Variants in RALYL observed in about 807,000 individuals in gnomAD.
The protein encoded by RALYL is RNA-binding Raly-like protein.
Under a neutral mutation model 35.1 loss-of-function variants are expected in RALYL, and 29 were observed. The ratio of observed to expected loss-of-function variants is 0.83; its 90% CI spans 0.61 to 1.13. The LOEUF (loss-of-function observed/expected upper bound fraction) is 1.13, where lower values mean the gene tolerates loss of function less well. Ranked by LOEUF, RALYL falls within the 50% of genes most tolerant of loss-of-function variation. RALYL has a pLI of 0.00. For synonymous variants in RALYL, 120 were observed against 127.6 expected, an observed-to-expected ratio of 0.94 and a Z score of 0.40; for missense variants, 359 against 360.4, an observed-to-expected ratio of 1.00 and a Z score of 0.03.
At chr8:84,517,846 A>G (rs1287126905) in intron 1 of RALYL, among the ~76,000 whole-genome samples, 1 of 152,168 alleles carries the variant, frequency 6.6e-6, no homozygotes, top group East Asian at 1.9e-4. Flanking sequence ...ACCTTAGTGC[A>G]TCTCATTTAA....
At chr8:84,620,420 C>T in intron 2 of RALYL, among the ~76,000 whole-genome samples, 1 of 151,954 alleles carries the variant, frequency 6.6e-6, no homozygotes, top group Non-Finnish European at 1.5e-5. Flanking sequence ...TCACGTAGTT[C>T]TCGAGCCTTG....
chr8:84,300,733 G>A (rs975624895), intron 1 of RALYL, among the ~76,000 whole-genome samples: 1 of 151,930 alleles, frequency 6.6e-6, no homozygotes, highest in Non-Finnish European at 1.5e-5. Flanking sequence ...TTTGAAATTA[G>A]AATAACAACC....
intron 1 of RALYL, among the ~76,000 whole-genome samples, chr8:84,325,190 C>T (rs1845578871): frequency 6.6e-6 from 1 of 152,166 alleles, no homozygotes; most frequent in Non-Finnish European, 1.5e-5. Context: ...TCACAACTTG[C>T]TCTCAGATAC....
chr8:84,728,087 C>G (rs1277792832), intron 2 of RALYL, among the ~76,000 whole-genome samples: 3 of 151,530 alleles, frequency 2.0e-5, no homozygotes, highest in Non-Finnish European at 4.4e-5. Flanking sequence ...TACAGTCCCA[C>G]CAACAGTGTA....
chr8:84,402,148 CTTTTG>C (rs1238213613), intron 1 of RALYL, among the ~76,000 whole-genome samples: 2 of 152,122 alleles, frequency 1.3e-5, no homozygotes, highest in Non-Finnish European at 2.9e-5. Flanking sequence ...AGACATATCA[CTTTTG>C]TTTTGTTTTA....
At chr8:84,341,269 T>A (rs1002402286) in intron 1 of RALYL, among the ~76,000 whole-genome samples, 2 of 151,740 alleles carry the variant, frequency 1.3e-5, no homozygotes, top group African/African-American at 4.8e-5. Flanking sequence ...ACCATTTTAT[T>A]TAAATATTAT....
intron 5 of RALYL, among the ~76,000 whole-genome samples, chr8:84,858,300 CA>C (rs1274744921): frequency 6.6e-6 from 1 of 152,082 alleles, no homozygotes; most frequent in African/African-American, 2.4e-5. Flanking sequence ...TATTACTTGA[CA>C]GCAGGTGTTT....
At chr8:84,704,329 G>A (rs1347907201) in intron 2 of RALYL, among the ~76,000 whole-genome samples, 3 of 152,044 alleles carry the variant, frequency 2.0e-5, no homozygotes, top group African/African-American at 2.4e-5. Context: ...GGAGGCTGAG[G>A]CAGGAGAATC....
rs117416969 is a variant in RALYL at position 84,349,650 on chromosome 8, G to A, written c.-24+165226G>A. ...TCATTGTTCTTAATTGCAATCAACAGATGCAAACACTTAAGTATCAAATGT... is the reference window on the plus strand; with the variant it reads ...TCATTGTTCTTAATTGCAATCAACAAATGCAAACACTTAAGTATCAAATGT... On this transcript the variant is annotated intron_variant, in intron 1 of 8. Transcript: ENST00000521268. Among the ~76,000 whole-genome samples, 994 of 150,546 alleles carry A rather than the reference G, an allele frequency of 6.6e-3. 36 individuals carry two copies. The highest frequency in any genetic ancestry group is 9.1e-3 in the Non-Finnish European group (619 of 67,714).
At chr8:84,264,638 A>T (rs1832949574) in intron 1 of RALYL, among the ~76,000 whole-genome samples, 1 of 151,968 alleles carries the variant, frequency 6.6e-6, no homozygotes. Flanking sequence ...TTAGTAATTG[A>T]TCAGTCATAT....
chr8:84,637,018 A>G (rs1219277621), intron 2 of RALYL, among the ~76,000 whole-genome samples: 1 of 151,936 alleles, frequency 6.6e-6, no homozygotes, highest in Non-Finnish European at 1.5e-5. Context: ...CTGAAAACTA[A>G]TAACAGAAAA....
chr8:84,297,855 G>A (rs1219466497), intron 1 of RALYL, among the ~76,000 whole-genome samples: 1 of 151,996 alleles, frequency 6.6e-6, no homozygotes, highest in Non-Finnish European at 1.5e-5. Context: ...CTTTTAAGAA[G>A]TGACTGTTTA....
At chr8:84,536,992 T>C (rs1422316122) in intron 2 of RALYL, among the ~76,000 whole-genome samples, 1 of 152,050 alleles carries the variant, frequency 6.6e-6, no homozygotes, top group Non-Finnish European at 1.5e-5. Flanking sequence ...ATTTTAAACA[T>C]CCAATTTTCC....
At chr8:84,193,070 GA>G (rs1208295668) in intron 1 of RALYL, among the ~76,000 whole-genome samples, 1 of 151,848 alleles carries the variant, frequency 6.6e-6, no homozygotes, top group Non-Finnish European at 1.5e-5. Context: ...TTGCCATTGA[GA>G]AAAAAATATG....
intron 4 of RALYL, among the ~76,000 whole-genome samples, chr8:84,844,404 C>A (rs976181543): frequency 3.9e-5 from 6 of 152,150 alleles, no homozygotes; most frequent in Admixed American, 3.3e-4. Context: ...AAATGCAAAT[C>A]AAAACCACAA....
intron 2 of RALYL, among the ~76,000 whole-genome samples, chr8:84,768,266 A>G (rs1408577212): frequency 6.6e-6 from 1 of 152,164 alleles, no homozygotes; most frequent in Admixed American, 6.5e-5. Flanking sequence ...ACAGCTCTTG[A>G]GGCATGAGAA....
intron 7 of RALYL, among the ~76,000 whole-genome samples, chr8:84,878,630 A>C (rs1198291836): frequency 6.6e-6 from 1 of 151,988 alleles, no homozygotes; most frequent in Non-Finnish European, 1.5e-5. Flanking sequence ...TAATACCCTC[A>C]GAGAAATGAG....
rs552924853 is a variant in RALYL at position 84,236,934 on chromosome 8, C to T, written c.-24+52510C>T. On this transcript the variant is annotated intron_variant, in intron 1 of 8. Coordinates refer to ENST00000521268, the MANE Select transcript of RALYL (RefSeq NM_173848.7). ...GGTGTAGTATAATTTACTTAATTAG[C>T]ACCTAATTAGTAAGTAAATGTATTT... Among the ~76,000 whole-genome samples, 11 of 152,270 alleles carry T rather than the reference C, an allele frequency of 7.2e-5. No homozygotes were observed. The South Asian group carries it at 1.7e-3, about 23-fold the overall frequency.
At chr8:84,608,536 C>T (rs140606272) in intron 2 of RALYL, among the ~76,000 whole-genome samples, 52 of 152,258 alleles carry the variant, frequency 3.4e-4, no homozygotes, top group African/African-American at 1.2e-3. Context: ...GAGCTTTGCT[C>T]CTGCCTCCCA....
Sources: gnomAD v4.1 joint callset for allele counts (sites outside exome capture counted in the v4.1 genomes callset) on GRCh38, gnomAD v4.1.1 for gene constraint, MANE v1.5 for transcripts, NCBI Gene and HGNC (gene_info 2026-07-23, HGNC 2026-07-21) for gene names.